LIFR: variants seen among roughly 807,000 people sequenced by gnomAD.
LIFR encodes leukemia inhibitory factor receptor.
LIFR carries 84 observed loss-of-function variants against 122.2 expected under a neutral mutation model. The observed-to-expected ratio is 0.69, with a 90% confidence interval of 0.58 to 0.82. LIFR has a LOEUF of 0.82. LIFR is among the 40% of genes least tolerant of loss of function. The pLI is 0.00. For missense variants in LIFR, 1,294 were observed against 1,311.6 expected, an observed-to-expected ratio of 0.99 and a Z score of 0.21; for synonymous variants, 422 against 434.7, an observed-to-expected ratio of 0.97 and a Z score of 0.36.
chr5:38,539,593 A>G (rs1216415593), intron 1 of LIFR, among the ~76,000 whole-genome samples: 1 of 152,164 alleles, frequency 6.6e-6, no homozygotes, highest in Non-Finnish European at 1.5e-5. Context: ...GACAAACTTT[A>G]TGCTTTTCAA....
chr5:38,547,869 C>T (rs185542208), intron 1 of LIFR, among the ~76,000 whole-genome samples: 2 of 151,918 alleles, frequency 1.3e-5, no homozygotes, highest in Non-Finnish European at 2.9e-5. Flanking sequence ...ATCTGTGCAC[C>T]GTTACTGTAC....
rs1451861954 is a variant in LIFR, at chr5:38,480,111, TAAAA to T, written c.*1480_*1483del. 1 of 222,278 alleles carries T rather than the reference TAAAA, an allele frequency of 4.5e-6. No individual in the cohort carries two copies. Among genetic ancestry groups the T allele is most frequent in the Non-Finnish European group, 8.7e-6 (1 of 114,812 alleles). The allele number at this position is 222,278 out of a possible 1,614,324, so 13.8% of individuals were successfully genotyped here. On this transcript the variant is annotated 3_prime_UTR_variant, in exon 20 of 20. Coordinates refer to ENST00000453190, the MANE Select transcript of LIFR (RefSeq NM_001127671.2). ...AAATACATTACAGAATCTCAGATGA[TAAAA>T]AACAAACAAACAACCAAAAAAAACA...
intron 2 of LIFR, among the ~76,000 whole-genome samples, chr5:38,529,220 T>C (rs1746869063): frequency 6.6e-6 from 1 of 151,972 alleles, no homozygotes; most frequent in Non-Finnish European, 1.5e-5. Context: ...AGAGAGGGCT[T>C]GAGGGGATTC....
intron 1 of LIFR, among the ~76,000 whole-genome samples, chr5:38,534,326 T>G (rs191847308): frequency 6.6e-6 from 1 of 152,150 alleles, no homozygotes; most frequent in Non-Finnish European, 1.5e-5. Context: ...TGAAGTGAAG[T>G]GTAGGGGCTC....
Position 38,481,634 on chromosome 5 carries a change from C to T in LIFR, c.3255G>A (p.Trp1085Ter). 6.2e-7 allele frequency: 1 copy of T among 1,614,022 alleles called. No individual in the cohort carries two copies. Among genetic ancestry groups the T allele is most frequent in the Non-Finnish European group, 8.5e-7 (1 of 1,179,942 alleles). ...EDSPKSNGGGWSFTNFFQNKP... is the reference protein window; with the variant it reads ...EDSPKSNGGG ...TGTTCTGAAAAAAGTTTGTAAAGGA[C>T]CACCCTCCTCCATTAGATTTAGGAG... The change falls in exon 20 of 20, where the codon TGG becomes TGA. Residue 1085 changes from tryptophan (W) to a stop codon, truncating the protein, a stop_gained. Transcript: ENST00000453190. LOFTEE classifies it high-confidence loss of function.
upstream of LIFR, chr5:38,557,186 G>C (rs1205219292): frequency 6.6e-6 from 1 of 152,376 alleles, no homozygotes. Flanking sequence ...TCCTCCTGCC[G>C]GGTGTGGGGC....
chr5:38,528,918 C>T (rs1228233977), intron 2 of LIFR, 78 bp from the exon 3 acceptor site: 4 of 907,014 alleles, frequency 4.4e-6, no homozygotes, highest in African/African-American at 3.3e-5. Context: ...AAGTCAACTG[C>T]ACTCTAAAAA....
intron 1 of LIFR, among the ~76,000 whole-genome samples, chr5:38,548,104 C>T (rs1747997604): frequency 6.6e-6 from 1 of 151,766 alleles, no homozygotes; most frequent in South Asian, 2.1e-4. Flanking sequence ...GCCATAAATT[C>T]CATGCATCCT....
intron 1 of LIFR, among the ~76,000 whole-genome samples, chr5:38,534,056 G>T (rs766707406): frequency 6.6e-6 from 1 of 152,216 alleles, no homozygotes; most frequent in Non-Finnish European, 1.5e-5. Context: ...GAGTGGAGAT[G>T]CTGGGAGTTG....
At chr5:38,505,816 GC>G in intron 9 of LIFR, 88 bp downstream of exon 9, 2 of 675,214 alleles carry the variant, frequency 3.0e-6, no homozygotes, top group Non-Finnish European at 4.7e-6. Flanking sequence ...AAAATAATCA[GC>G]AAAAAGTAAT....
intron 7 of LIFR, among the ~76,000 whole-genome samples, chr5:38,507,428 G>T (rs183365624): frequency 2.6e-5 from 4 of 151,854 alleles, no homozygotes; most frequent in Non-Finnish European, 5.9e-5. Context: ...GCCGGGTGTG[G>T]TGGAGGGTGC....
chr5:38,511,091 C>T (rs1434993676), intron 6 of LIFR, among the ~76,000 whole-genome samples: 2 of 152,132 alleles, frequency 1.3e-5, no homozygotes, highest in Non-Finnish European at 2.9e-5. Context: ...TCCACACCCC[C>T]CAAAAATCAC....
intron 1 of LIFR, among the ~76,000 whole-genome samples, chr5:38,594,489 G>C (rs1460678985): frequency 3.9e-5 from 6 of 152,058 alleles, no homozygotes; most frequent in African/African-American, 1.4e-4. Context: ...TTCATCAATT[G>C]CAACAAATGT....
intron 13 of LIFR, among the ~76,000 whole-genome samples, chr5:38,495,787 G>T (rs745848044): frequency 6.6e-6 from 1 of 152,174 alleles, no homozygotes; most frequent in Non-Finnish European, 1.5e-5. Context: ...AAGCTGGGAA[G>T]AATGTATTAA....
At position 38,493,138 on chromosome 5, in the gene LIFR, C is replaced by T. The variant is rs191380793; in HGVS notation, c.2065+468G>A. Among the ~76,000 whole-genome samples, 154 of 152,164 alleles carry T rather than the reference C, an allele frequency of 1.0e-3. No individual in the cohort carries two copies. In the Middle Eastern group the frequency reaches 0.01, roughly 10 times the overall value. ...TTCACGGTCTTTGTGCTCAGTCTCT[C>T]CCTAACCTTGGTAACCTGGACCCTG... On this transcript the variant is annotated intron_variant, in intron 14 of 19. Coordinates refer to ENST00000453190, the MANE Select transcript of LIFR (RefSeq NM_001127671.2).
intron 1 of LIFR, among the ~76,000 whole-genome samples, chr5:38,566,730 T>C (rs1212675519): frequency 6.6e-6 from 1 of 152,174 alleles, no homozygotes; most frequent in Admixed American, 6.5e-5. Context: ...CTGGTAACAA[T>C]ATCTTGATTG....
At chr5:38,504,187 A>T in intron 9 of LIFR, 66 bp from the exon 10 acceptor site, 3 of 1,120,116 alleles carry the variant, frequency 2.7e-6, no homozygotes, top group Non-Finnish European at 4.0e-6. Context: ...TAATATGACA[A>T]ATGAGAAGAA....
Position 38,478,597 on chromosome 5 carries a change from T to G in LIFR, c.*2998A>C, listed in dbSNP as rs1743833182. Reference sequence around the variant, plus strand: ...AAAGTCTAGCTAAGTCTTTAATAATTTAATATTAAATAAAATATTAATTAT... The same window carrying G: ...AAAGTCTAGCTAAGTCTTTAATAATGTAATATTAAATAAAATATTAATTAT... On this transcript the variant is annotated 3_prime_UTR_variant, in exon 20 of 20. Coordinates refer to ENST00000453190, the MANE Select transcript of LIFR (RefSeq NM_001127671.2). 1.1e-5 allele frequency: 2 copies of G among 185,026 alleles called. No individual in the cohort carries two copies. The highest frequency in any genetic ancestry group is 1.1e-5 in the Non-Finnish European group (1 of 87,232). 11.5% of individuals were successfully genotyped at this position (185,026 alleles called of 1,614,324 possible).
intron 1 of LIFR, among the ~76,000 whole-genome samples, chr5:38,537,821 C>A (rs1277969212): frequency 6.6e-6 from 1 of 152,010 alleles, no homozygotes; most frequent in African/African-American, 2.4e-5. Flanking sequence ...TTAATCATTT[C>A]CTTAATGATT....
Sources: gnomAD v4.1 joint callset for allele counts (sites outside exome capture counted in the v4.1 genomes callset) on GRCh38, gnomAD v4.1.1 for gene constraint, MANE v1.5 for transcripts, NCBI Gene and HGNC (gene_info 2026-07-23, HGNC 2026-07-21) for gene names.